Variants in KIZ observed in about 807,000 individuals in gnomAD.
The protein encoded by KIZ is kizuna centrosomal protein.
A neutral mutation model predicts 79.6 loss-of-function variants in KIZ; 68 were observed. That is an observed-to-expected ratio of 0.85 (90% CI 0.70 to 1.05). KIZ has a LOEUF of 1.05. Among genes scored for constraint, KIZ ranks in the 50% least tolerant of loss-of-function variants. KIZ has a pLI of 0.00. For missense variants in KIZ, 797 were observed against 800.4 expected (o/e 1.00, Z 0.05); for synonymous variants, 280 against 281.8 (o/e 0.99, Z 0.06).
chr20:21,165,252 C>T (rs995986979), intron 6 of KIZ, among the ~76,000 whole-genome samples: 6 of 152,082 alleles, frequency 3.9e-5, no homozygotes, highest in South Asian at 2.1e-4. Context: ...GTAAAATCTG[C>T]GCAACATCCT....
intron 9 of KIZ, among the ~76,000 whole-genome samples, chr20:21,217,400 A>G (rs2036335990): frequency 6.6e-6 from 1 of 152,258 alleles, no homozygotes. Context: ...TTGGTAGAGT[A>G]AAGCAAGTAT....
chr20:21,185,864 A>T (rs1311624664), intron 6 of KIZ, among the ~76,000 whole-genome samples: 1 of 152,072 alleles, frequency 6.6e-6, no homozygotes, highest in African/African-American at 2.4e-5. Flanking sequence ...GACGTGTGCC[A>T]CCATGCCCTG....
intron 9 of KIZ, among the ~76,000 whole-genome samples, chr20:21,220,749 G>A (rs529637698): frequency 4.6e-4 from 70 of 152,242 alleles, no homozygotes; most frequent in African/African-American, 1.6e-3. Flanking sequence ...CAAAGTGCTG[G>A]GATTACAGGC....
In KIZ at chr20:21,132,337, A is replaced by T. The variant is rs140679219; in HGVS notation, c.152+178A>T. 4.7e-3 allele frequency among the ~76,000 whole-genome samples: 711 copies of T among 152,220 alleles called. 4 individuals are homozygous for T. The highest frequency in any genetic ancestry group is 6.9e-3 in the Non-Finnish European group (470 of 68,014). ...GCTCAGGCTGGAGTGCAGTGGTGTG[A>T]TCTTGGCTCATTGTAACCTCTGCCT... On this transcript the variant is annotated intron_variant, in intron 2 of 12. Transcript: ENST00000619189.
intron 6 of KIZ, among the ~76,000 whole-genome samples, chr20:21,177,091 T>C (rs945312780): frequency 3.2e-4 from 48 of 152,346 alleles, no homozygotes; most frequent in African/African-American, 1.1e-3. Context: ...TTGAGATCCT[T>C]ATTTCAATTA....
intron 1 of KIZ, among the ~76,000 whole-genome samples, chr20:21,126,798 A>G (rs2031505962): frequency 6.6e-6 from 1 of 152,202 alleles, no homozygotes; most frequent in East Asian, 1.9e-4. Context: ...TGATTAAGAT[A>G]TGAAAGATGG....
At chr20:21,223,101 G>A (rs2036553582) in intron 9 of KIZ, among the ~76,000 whole-genome samples, 1 of 152,054 alleles carries the variant, frequency 6.6e-6, no homozygotes, top group South Asian at 2.1e-4. Flanking sequence ...AGTACAAATG[G>A]CTAAAATATA....
chr20:21,145,917 A>G (rs2032822241), intron 4 of KIZ, among the ~76,000 whole-genome samples: 1 of 152,202 alleles, frequency 6.6e-6, no homozygotes, highest in African/African-American at 2.4e-5. Context: ...GTTTTTCTAA[A>G]TCATGCCTTG....
chr20:21,176,140 T>G (rs2122856638), intron 6 of KIZ, among the ~76,000 whole-genome samples: 1 of 152,244 alleles, frequency 6.6e-6, no homozygotes, highest in South Asian at 2.1e-4. Context: ...CAAAACCCTG[T>G]CTCTACTAAA....
rs970782290 is a variant in KIZ, at chr20:21,184,810, G to A, written c.1353-20681G>A. Among the ~76,000 whole-genome samples the A allele has an allele frequency of 2.0e-5, 3 of 152,190 alleles. 1 individual carries two copies. The South Asian group carries it at 6.2e-4, about 31-fold the overall frequency. On this transcript the variant is annotated intron_variant, in intron 6 of 12. Coordinates refer to ENST00000619189, the MANE Select transcript of KIZ (RefSeq NM_018474.6). ...TTATCCCAGCACTTTGGGAGGCCGA[G>A]GTGGGAGGATTACTTGAGGCCAGGA...
intron 6 of KIZ, among the ~76,000 whole-genome samples, chr20:21,180,114 G>A (rs1040643707): frequency 6.6e-6 from 1 of 151,856 alleles, no homozygotes; most frequent in Admixed American, 6.6e-5. Flanking sequence ...TGTTGATTTT[G>A]TCTGGTTGTT....
intron 7 of KIZ, among the ~76,000 whole-genome samples, chr20:21,208,244 T>A (rs1361876680): frequency 1.3e-5 from 2 of 152,190 alleles, no homozygotes; most frequent in African/African-American, 2.4e-5. Flanking sequence ...ACCAATCTAC[T>A]CAATTTTTCC....
chr20:21,188,739 AC>A lies in KIZ; in HGVS notation c.1353-16749del, dbSNP rs2034995124. On this transcript the variant is annotated intron_variant, in intron 6 of 12. Transcript: ENST00000619189. ...TTTTGAGACGGAGTCTTGCCCTGTC[AC>A]CCAGGCTGGAGTGCAGTGGCACGAT... Among the ~76,000 whole-genome samples, 4 of 149,552 alleles carry A rather than the reference AC, an allele frequency of 2.7e-5. No homozygotes were observed. In the South Asian group the frequency reaches 8.5e-4, roughly 32 times the overall value.
At chr20:21,128,922 A>G (rs547164633) in intron 1 of KIZ, among the ~76,000 whole-genome samples, 3 of 152,344 alleles carry the variant, frequency 2.0e-5, no homozygotes, top group African/African-American at 7.2e-5. Flanking sequence ...CAAGTGGCTT[A>G]AAAGTAGAAA....
chr20:21,190,450 C>G (rs1190290660), intron 6 of KIZ, among the ~76,000 whole-genome samples: 1 of 152,218 alleles, frequency 6.6e-6, no homozygotes, highest in Non-Finnish European at 1.5e-5. Context: ...CTACAGACCT[C>G]TCTGGTTCCC....
At chr20:21,161,448 C>T (rs994529297) in intron 4 of KIZ, among the ~76,000 whole-genome samples, 4 of 152,174 alleles carry the variant, frequency 2.6e-5, no homozygotes, top group Non-Finnish European at 4.4e-5. Context: ...TCTCCTGCCT[C>T]AGCTTCCTGA....
At chr20:21,207,646 C>T (rs2123212587) in intron 7 of KIZ, among the ~76,000 whole-genome samples, 1 of 152,008 alleles carries the variant, frequency 6.6e-6, no homozygotes, top group East Asian at 1.9e-4. Flanking sequence ...TCACAGATTT[C>T]ATGCCCCTTT....
intron 4 of KIZ, chr20:21,151,305 G>A (rs2033104326): frequency 6.6e-6 from 1 of 152,058 alleles, no homozygotes; most frequent in South Asian, 2.1e-4. Context: ...TAGTCAAGAA[G>A]GAAAGACAGT....
chr20:21,142,418 G>C (rs1440501442), intron 3 of KIZ, among the ~76,000 whole-genome samples: 1 of 152,004 alleles, frequency 6.6e-6, no homozygotes, highest in Non-Finnish European at 1.5e-5. Flanking sequence ...CCCCTTGACT[G>C]AAATTAATTC....
Sources: gnomAD v4.1 joint callset for allele counts (sites outside exome capture counted in the v4.1 genomes callset) on GRCh38, gnomAD v4.1.1 for gene constraint, MANE v1.5 for transcripts, NCBI Gene and HGNC (gene_info 2026-07-23, HGNC 2026-07-21) for gene names.